Variants in BNC2 observed in about 807,000 individuals in gnomAD.
BNC2 encodes the protein basonuclin zinc finger protein 2.
In BNC2, 20 loss-of-function variants were observed where a neutral mutation model predicts 76.3. The ratio of observed to expected loss-of-function variants is 0.26; its 90% CI spans 0.18 to 0.38. The LOEUF (loss-of-function observed/expected upper bound fraction) is 0.38, where lower values mean the gene tolerates loss of function less well. Among genes scored for constraint, BNC2 ranks in the 10% least tolerant of loss-of-function variants. BNC2 has a pLI of 1.00. For synonymous variants in BNC2, 582 were observed against 514.8 expected (o/e 1.13, Z -1.77); for missense variants, 1,382 against 1,399.8 (o/e 0.99, Z 0.20).
chr9:16,582,426 C>G (rs1258394129), intron 4 of BNC2, among the ~76,000 whole-genome samples: 1 of 152,138 alleles, frequency 6.6e-6, no homozygotes, highest in Non-Finnish European at 1.5e-5. Flanking sequence ...CCTACGTCGA[C>G]CACCTCCAAT....
chr9:16,785,392 A>C (rs1018383822), intron 1 of BNC2, among the ~76,000 whole-genome samples: 5 of 152,024 alleles, frequency 3.3e-5, no homozygotes, highest in African/African-American at 1.2e-4. Context: ...AATTCTTGCT[A>C]TGTATTTCTT....
chr9:16,689,163 CA>C (rs58620248), intron 3 of BNC2, among the ~76,000 whole-genome samples: 5,339 of 50,654 alleles, frequency 0.11, 127 homozygotes, highest in African/African-American at 0.25. Flanking sequence ...ACTGAGATCA[CA>C]AAAAAAAAAA....
Position 16,694,239 on chromosome 9 carries a change from T to C in BNC2, c.330+33558A>G, listed in dbSNP as rs565800669. Among the ~76,000 whole-genome samples, 10 of 152,186 alleles carry C rather than the reference T, an allele frequency of 6.6e-5. No individual in the cohort carries two copies. The South Asian group carries it at 2.1e-3, about 32-fold the overall frequency. On this transcript the variant is annotated intron_variant, in intron 3 of 6. Coordinates refer to ENST00000380672, the MANE Select transcript of BNC2 (RefSeq NM_017637.6). Reference sequence around the variant, plus strand: ...ATGTGAAAAAAGCAGAATAGTGAATTTGAATGAAATAGGATAGAAGAATAT... The same window carrying C: ...ATGTGAAAAAAGCAGAATAGTGAATCTGAATGAAATAGGATAGAAGAATAT...
At position 16,437,165 on chromosome 9, in the gene BNC2, T is replaced by C. The variant is rs763423743; in HGVS notation, c.1029A>G (p.Leu343=). The C allele has an allele frequency of 3.3e-5, 53 of 1,614,070 alleles. No homozygotes were observed. Among genetic ancestry groups the C allele is most frequent in the Non-Finnish European group, 4.2e-5 (49 of 1,180,032 alleles). ...APLLGLPPNG[L]LLEQPGLRLR... ...GCCTCAACCCTGGTTGCTCTAACAG[T>C]AGCCCATTTGGAGGCAACCCTAGCA... Residue 343 remains leucine, a synonymous_variant, in exon 6 of 7, where the codon CTA becomes CTG. Transcript: ENST00000380672.
chr9:16,715,926 T>C (rs1823985139), intron 3 of BNC2, among the ~76,000 whole-genome samples: 1 of 152,140 alleles, frequency 6.6e-6, no homozygotes, highest in African/African-American at 2.4e-5. Context: ...TATAAGACAA[T>C]GGGAAGCAAG....
chr9:16,552,894 T>G, intron 4 of BNC2, 129 bp from the exon 5 acceptor site: 3 of 722,796 alleles, frequency 4.2e-6, no homozygotes, highest in Non-Finnish European at 7.2e-6. Context: ...TCGCCATAGG[T>G]GTTTAAGCAA....
chr9:16,584,782 A>G (rs1241299634), intron 3 of BNC2, among the ~76,000 whole-genome samples: 1 of 152,206 alleles, frequency 6.6e-6, no homozygotes, highest in Non-Finnish European at 1.5e-5. Flanking sequence ...TAACATGTTC[A>G]TTAGTTAATG....
At chr9:16,629,299 A>C (rs1167319010) in intron 3 of BNC2, among the ~76,000 whole-genome samples, 1 of 152,222 alleles carries the variant, frequency 6.6e-6, no homozygotes, top group Non-Finnish European at 1.5e-5. Context: ...TTGTGTGAAT[A>C]ATTTTCGTTT....
At chr9:16,449,969 C>G (rs932549407) in intron 5 of BNC2, among the ~76,000 whole-genome samples, 3 of 151,944 alleles carry the variant, frequency 2.0e-5, no homozygotes, top group African/African-American at 4.8e-5. Flanking sequence ...TCAAATTAAA[C>G]GGGTTAGGTA....
rs570857230 is a variant in BNC2, at chr9:16,541,230, AG to A, written c.669+11299del. On this transcript the variant is annotated intron_variant, in intron 5 of 6. Transcript: ENST00000380672. ...GAAAGTCACCAGAGAATCAATGGAC[AG>A]AGGCACTCATATTTTAAAGCAATAA... Among the ~76,000 whole-genome samples the A allele has an allele frequency of 5.9e-5, 9 of 152,344 alleles. No homozygotes were observed. The East Asian group carries it at 1.7e-3, about 29-fold the overall frequency.
At chr9:16,593,552 A>G (rs1819989849) in intron 3 of BNC2, among the ~76,000 whole-genome samples, 1 of 151,934 alleles carries the variant, frequency 6.6e-6, no homozygotes, top group Non-Finnish European at 1.5e-5. Flanking sequence ...GTGTGTTTCA[A>G]TTAAATTAGG....
chr9:16,754,936 G>A (rs1928849), intron 1 of BNC2, among the ~76,000 whole-genome samples: 130,925 of 152,126 alleles, frequency 0.86, 56,716 homozygotes, highest in Non-Finnish European at 0.91. Flanking sequence ...AAGCACTTGA[G>A]GGCCACAGTC....
At chr9:16,554,710 TCTG>T (rs1253298921) in intron 4 of BNC2, among the ~76,000 whole-genome samples, 1 of 152,128 alleles carries the variant, frequency 6.6e-6, no homozygotes. Flanking sequence ...GAGTGGCTGC[TCTG>T]CTAACAGAAT....
intron 3 of BNC2, among the ~76,000 whole-genome samples, chr9:16,607,285 C>T (rs553706203): frequency 6.6e-6 from 1 of 151,812 alleles, no homozygotes; most frequent in Non-Finnish European, 1.5e-5. Flanking sequence ...AAAAGTAATG[C>T]AAAACCTCAG....
chr9:16,767,060 A>C (rs574768412), intron 1 of BNC2, among the ~76,000 whole-genome samples: 3 of 152,384 alleles, frequency 2.0e-5, no homozygotes, highest in African/African-American at 7.2e-5. Context: ...GGCATAGTCT[A>C]CCTAAGCATC....
chr9:16,439,369 T>C (rs1821081911), intron 5 of BNC2, among the ~76,000 whole-genome samples: 1 of 152,170 alleles, frequency 6.6e-6, no homozygotes, highest in South Asian at 2.1e-4. Context: ...AGGAAAGATT[T>C]ATAAAAAATG....
intron 1 of BNC2, among the ~76,000 whole-genome samples, chr9:16,786,763 G>T (rs934633142): frequency 2.6e-5 from 4 of 152,108 alleles, no homozygotes; most frequent in Non-Finnish European, 5.9e-5. Flanking sequence ...TACAGGTGGG[G>T]CAGAAAGAGC....
chr9:16,771,926 A>C (rs985101624), intron 1 of BNC2, among the ~76,000 whole-genome samples: 2 of 152,190 alleles, frequency 1.3e-5, no homozygotes, highest in Admixed American at 6.5e-5. Flanking sequence ...TTTACAGTTC[A>C]TGGTGGGGGG....
chr9:16,419,670 G>C (rs747538963), intron 6 of BNC2, 21 bp from the exon 7 acceptor site: 102 of 669,258 alleles, frequency 1.5e-4, no homozygotes, highest in Non-Finnish European at 2.2e-4. Context: ...AAGAGGGAAG[G>C]GGGGGTACGT....
Sources: allele counts gnomAD v4.1 joint callset (sites outside exome capture counted in the v4.1 genomes callset), GRCh38; gene constraint gnomAD v4.1.1; transcripts MANE v1.5; gene names NCBI Gene and HGNC (gene_info 2026-07-23, HGNC 2026-07-21).